The following RNF213 variants were observed in gnomAD, a reference collection of about 807,000 sequenced individuals.
RNF213 encodes the protein E3 ubiquitin-protein ligase RNF213.
Under a neutral mutation model 514.4 loss-of-function variants are expected in RNF213, and 341 were observed. The observed-to-expected ratio is 0.66, with a 90% confidence interval of 0.61 to 0.73. The LOEUF is 0.73. Among genes scored for constraint, RNF213 ranks in the 30% least tolerant of loss-of-function variants. The pLI is 0.00. For missense variants in RNF213, 5,767 were observed against 6,615.6 expected (o/e 0.87, Z 4.45); for synonymous variants, 2,655 against 2,658.2 (o/e 1.00, Z 0.04).
intron 8 of RNF213, among the ~76,000 whole-genome samples, chr17:80,292,847 A>G (rs2044782869): frequency 6.6e-6 from 1 of 151,516 alleles, no homozygotes. Context: ...GCTGGGGTCA[A>G]CTGGTTGTTG....
chr17:80,325,178 A>C lies in RNF213; in HGVS notation c.3173A>C (p.Lys1058Thr). The change falls in exon 18 of 68, where the codon AAG (lysine) becomes ACG (threonine). Residue 1058 changes from lysine to threonine, a missense_variant. Transcript: ENST00000582970. ...CATCTGCTCACGTTGGCAGATGTCA[A>C]GCACGTCTTCAGATTGTGTGGTATG... The part of the protein sequence containing the change: ...LKHLLTLADV[K>T]HVFRLCGTDE... 1 of 1,535,192 alleles carries C rather than the reference A, an allele frequency of 6.5e-7. No individual in the cohort carries two copies.
At position 80,361,905 on chromosome 17, in the gene RNF213, T is replaced by C. The variant is rs375676516; in HGVS notation, c.11355+17T>C. The C allele has an allele frequency of 2.5e-6, 4 of 1,608,626 alleles. No individual in the cohort carries two copies. Among genetic ancestry groups the C allele is most frequent in the Non-Finnish European group, 3.4e-6 (4 of 1,176,544 alleles). On this transcript the variant is annotated intron_variant, in intron 39 of 67. Coordinates refer to ENST00000582970, the MANE Select transcript of RNF213 (RefSeq NM_001256071.3). ...GAATTAAAGGTAGATGTTTAGATAC[T>C]GGCTAAGGGTCAGGTGTAGAGCTTG...
In RNF213 at chr17:80,263,782, A is replaced by G; in HGVS notation, c.97+4A>G. ...CCTCCTGCAGCCCCCATAGCAGGTG[A>G]GGCCCAGGGGTGCTGGTGGAGGCTG... On this transcript the variant is annotated splice_donor_region_variant and intron_variant, in intron 2 of 67. Coordinates refer to ENST00000582970, the MANE Select transcript of RNF213 (RefSeq NM_001256071.3). This position sits in a 1 kb window ranked among gnomAD's most constrained non-coding sequence, Gnocchi z 4.9. 6.2e-7 allele frequency: 1 copy of G among 1,613,596 alleles called. No homozygotes were observed. Among genetic ancestry groups the G allele is most frequent in the Non-Finnish European group, 8.5e-7 (1 of 1,179,602 alleles).
chr17:80,290,364 C>T (rs897079860), intron 6 of RNF213, among the ~76,000 whole-genome samples: 9 of 150,256 alleles, frequency 6.0e-5, no homozygotes, highest in African/African-American at 1.2e-4. Flanking sequence ...TGTATGTGTG[C>T]GTGTGTGAGT....
chr17:80,363,151 C>G lies in RNF213; in HGVS notation c.11405C>G (p.Ser3802Ter), dbSNP rs757791430. The change falls in exon 40 of 68, where the codon TCA becomes TGA. Residue 3802 changes from serine to a stop codon, truncating the protein, a stop_gained. Coordinates refer to ENST00000582970, the MANE Select transcript of RNF213 (RefSeq NM_001256071.3). LOFTEE classifies it high-confidence loss of function. ...WSCTRKLKAA[S>*]EAPEEEVSLP... ...TGCACTAGGAAACTGAAAGCGGCGTCAGAAGCGCCCGAGGAAGAGGTTTCC... is the reference window on the plus strand; with the variant it reads ...TGCACTAGGAAACTGAAAGCGGCGTGAGAAGCGCCCGAGGAAGAGGTTTCC... The G allele has an allele frequency of 9.9e-6, 16 of 1,614,248 alleles. No individual in the cohort carries two copies. Among genetic ancestry groups the G allele is most frequent in the Non-Finnish European group, 1.3e-5 (15 of 1,180,046 alleles).
intron 14 of RNF213, among the ~76,000 whole-genome samples, chr17:80,312,680 C>T (rs1170591103): frequency 6.6e-6 from 1 of 152,216 alleles, no homozygotes; most frequent in African/African-American, 2.4e-5. Flanking sequence ...CTCTCTGGGG[C>T]GTGCTTTTCC....
At position 80,381,087 on chromosome 17, in the gene RNF213, G is replaced by A. The variant is rs951059644; in HGVS notation, c.13797+100G>A. The A allele has an allele frequency of 1.8e-5, 22 of 1,195,666 alleles. No individual in the cohort carries two copies. The Middle Eastern group carries it at 5.6e-4, about 31-fold the overall frequency. The allele number at this position is 1,195,666 out of a possible 1,614,324, so 74.1% of individuals were successfully genotyped here. On this transcript the variant is annotated intron_variant, in intron 56 of 67. Coordinates refer to ENST00000582970, the MANE Select transcript of RNF213 (RefSeq NM_001256071.3). The stretch of plus-strand genomic sequence containing the variant: ...CTTGAGTCCTAGCTGCCATCTATGC[G>A]TTTTGGAGATAATTAGTCTACAAAG...
At chr17:80,312,874 A>C (rs1205953018) in intron 14 of RNF213, 138 bp from the exon 15 acceptor site, 3 of 904,830 alleles carry the variant, frequency 3.3e-6, no homozygotes, top group African/African-American at 1.6e-5. Context: ...GGCTTCTGCC[A>C]AGGCCTGTGG....
chr17:80,290,845 T>C (rs1312767384), intron 7 of RNF213, 117 bp downstream of exon 7: 3 of 1,200,304 alleles, frequency 2.5e-6, no homozygotes, highest in African/African-American at 3.0e-5. Flanking sequence ...AGTCTTGCTG[T>C]GTCACCCAGG....
In RNF213 at chr17:80,377,859, G is replaced by T. The variant is rs1421547663; in HGVS notation, c.13545+63G>T. 6.3e-7 allele frequency: 1 copy of T among 1,578,348 alleles called. No individual in the cohort carries two copies. Among genetic ancestry groups the T allele is most frequent in the Non-Finnish European group, 8.7e-7 (1 of 1,147,724 alleles). ...CGTGCACTCCTGGGTTGGAGGAGGG[G>T]GATCGTGGGTCAGGAGAGTGAGGCT... On this transcript the variant is annotated intron_variant, in intron 54 of 67. Transcript: ENST00000582970. This position sits in a 1 kb window ranked among gnomAD's most constrained non-coding sequence, Gnocchi z 4.1.
rs146299484 is a variant in RNF213 at position 80,357,329 on chromosome 17, ATCTT to A, written c.10863-955_10863-952del. Among the ~76,000 whole-genome samples the A allele has an allele frequency of 5.0e-3, 765 of 152,292 alleles. 3 individuals are homozygous for A. The highest frequency in any genetic ancestry group is 0.017 in the African/African-American group (718 of 41,542). On this transcript the variant is annotated intron_variant, in intron 36 of 67. Coordinates refer to ENST00000582970, the MANE Select transcript of RNF213 (RefSeq NM_001256071.3). ...CAAAATGTCTTGTAGTTAACCAATT[ATCTT>A]TCTGTCTGCCTATCTGTGCATTCAT... is the stretch of plus-strand genomic sequence containing the variant.
chr17:80,330,221 G>A (rs2046376208), intron 20 of RNF213, among the ~76,000 whole-genome samples: 1 of 152,150 alleles, frequency 6.6e-6, no homozygotes, highest in Non-Finnish European at 1.5e-5. Context: ...GTTTTGTTTT[G>A]GAGGTTTTGC....
At position 80,313,012 on chromosome 17, in the gene RNF213, G is replaced by C; in HGVS notation, c.2656G>C (p.Asp886His). 6.2e-7 allele frequency: 1 copy of C among 1,613,834 alleles called. No individual in the cohort carries two copies. The highest frequency in any genetic ancestry group is 8.5e-7 in the Non-Finnish European group (1 of 1,180,026). Reference protein sequence around the residue: ...CRMIRLLSLVDSAGQRDETGN... With the variant: ...CRMIRLLSLVHSAGQRDETGN... ...GACCCTCCCTCTTGTGTGACAACAG[G>C]ATTCTGCAGGACAGAGAGATGAAAC... The change falls in exon 15 of 68, where the codon GAT (aspartate) becomes CAT (histidine). Residue 886 changes from aspartate to histidine, a missense_variant and splice_region_variant. This residue lies in a region of RNF213 where 592 missense variants were observed against 673.9 expected (regional missense o/e 0.88). Transcript: ENST00000582970.
At chr17:80,351,840 T>C (rs1454972420) in intron 32 of RNF213, 37 bp downstream of exon 32, 4 of 1,065,220 alleles carry the variant, frequency 3.8e-6, no homozygotes, top group Admixed American at 3.5e-5. Flanking sequence ...TTTATTTATG[T>C]ATTTATTTAT....
chr17:80,372,892 C>T lies in RNF213; in HGVS notation c.12752-83C>T, dbSNP rs112328633. ...TTCTGTGAATGCCTGTGGGTAGGTC[C>T]GATGCCCTCTGGTTGGCCTTGTGTC... is the stretch of plus-strand genomic sequence containing the variant. On this transcript the variant is annotated intron_variant, in intron 48 of 67. Coordinates refer to ENST00000582970, the MANE Select transcript of RNF213 (RefSeq NM_001256071.3). 1.6e-3 allele frequency: 2,351 copies of T among 1,457,622 alleles called. 38 individuals carry two copies. In the African/African-American group the frequency reaches 0.028, roughly 17 times the overall value. 90.3% of individuals were successfully genotyped at this position (1,457,622 alleles called of 1,614,324 possible).
intron 37 of RNF213, among the ~76,000 whole-genome samples, chr17:80,358,983 T>C (rs2078938013): frequency 6.6e-6 from 1 of 152,142 alleles, no homozygotes; most frequent in Admixed American, 6.5e-5. Context: ...TTCCCTGCTT[T>C]CAGAGCACTG....
At chr17:80,354,260 C>T in intron 35 of RNF213, 94 bp downstream of exon 35, 1 of 1,519,620 alleles carries the variant, frequency 6.6e-7, no homozygotes, top group Non-Finnish European at 9.1e-7. Flanking sequence ...GACACCCTCT[C>T]AGGTTTCCAT....
At chr17:80,324,789 T>C (rs1343732047) in intron 17 of RNF213, among the ~76,000 whole-genome samples, 1 of 152,092 alleles carries the variant, frequency 6.6e-6, no homozygotes, top group East Asian at 1.9e-4. Flanking sequence ...GTTATGTTGG[T>C]GTGTGTTTGT....
At position 80,361,888 on chromosome 17, in the gene RNF213, G is replaced by C. The variant is rs1158228024; in HGVS notation, c.11355G>C (p.Lys3785Asn). 1 of 1,611,914 alleles carries C rather than the reference G, an allele frequency of 6.2e-7. No homozygotes were observed. Among genetic ancestry groups the C allele is most frequent in the Non-Finnish European group, 8.5e-7 (1 of 1,178,618 alleles). ...TMRVSTEEEL[K>N]FLQMALWSCT... ...GTGTGTCAACGGAGGAGGAATTAAA[G>C]GTAGATGTTTAGATACTGGCTAAGG... The change falls in exon 39 of 68, where the codon AAG becomes AAC. Residue 3785 changes from lysine (K) to asparagine (N), a missense_variant and splice_region_variant. Transcript: ENST00000582970.
Sources: gnomAD v4.1 joint callset for allele counts (sites outside exome capture counted in the v4.1 genomes callset) on GRCh38, gnomAD v4.1.1 for gene constraint, gnomAD v4.1.1 regional missense constraint, Gnocchi (gnomAD v3.1) non-coding constraint, MANE v1.5 for transcripts, NCBI Gene and HGNC (gene_info 2026-07-23, HGNC 2026-07-21) for gene names.